PGM2L1: variants seen among roughly 807,000 people sequenced by gnomAD.
The protein encoded by PGM2L1 is phosphoglucomutase 2 like 1.
Under a neutral mutation model 73.4 loss-of-function variants are expected in PGM2L1, and 35 were observed. The observed-to-expected ratio is 0.48, with a 90% CI of 0.36 to 0.63. PGM2L1 has a LOEUF of 0.63. Ranked by LOEUF, PGM2L1 falls within the 30% of genes least tolerant of loss-of-function variation. The pLI is 0.00. For missense variants in PGM2L1, 570 were observed against 742.0 expected (o/e 0.77, Z 2.69); for synonymous variants, 225 against 253.8 (o/e 0.89, Z 1.08).
chr11:74,366,986 A>G (rs768655858), intron 5 of PGM2L1, among the ~76,000 whole-genome samples: 5 of 152,204 alleles, frequency 3.3e-5, no homozygotes, highest in Non-Finnish European at 5.9e-5. Flanking sequence ...AGAAGACAAC[A>G]ATGGTTTAGA....
intron 1 of PGM2L1, among the ~76,000 whole-genome samples, chr11:74,396,295 A>T (rs1863176056): frequency 6.7e-6 from 1 of 149,690 alleles, no homozygotes; most frequent in Non-Finnish European, 1.5e-5. Flanking sequence ...CAATCAGGAG[A>T]CTCATTAGGA....
At chr11:74,346,912 G>T in intron 7 of PGM2L1, 83 bp from the exon 8 acceptor site, 1 of 1,163,850 alleles carries the variant, frequency 8.6e-7, no homozygotes, top group Non-Finnish European at 1.3e-6. Flanking sequence ...CACAATGTTA[G>T]TGATAGGAAT....
chr11:74,343,555 G>GCCGGGCGCGGTGGCTCACGCCTGTAATCC, intron 9 of PGM2L1, 139 bp from the exon 10 acceptor site: 1 of 1,285,434 alleles, frequency 7.8e-7, no homozygotes, highest in Non-Finnish European at 1.0e-6. Context: ...TTATACAGTA[G>GCCGGGCGCGGTGGCTCACGCCTGTAATCC]CAGACATATA....
At chr11:74,346,144 G>T (rs1459770891) in intron 8 of PGM2L1, among the ~76,000 whole-genome samples, 1 of 151,468 alleles carries the variant, frequency 6.6e-6, no homozygotes, top group African/African-American at 2.4e-5. Context: ...CATGCCTGTA[G>T]TCCCAGCTAC....
At chr11:74,357,050 T>C (rs1862469505) in intron 5 of PGM2L1, among the ~76,000 whole-genome samples, 1 of 152,122 alleles carries the variant, frequency 6.6e-6, no homozygotes, top group Non-Finnish European at 1.5e-5. Flanking sequence ...GGTTTCACCA[T>C]GTTAACCAGG....
rs901705763 is a variant in PGM2L1 at position 74,351,669 on chromosome 11, A to G, written c.556-93T>C. 4.1e-6 allele frequency: 5 copies of G among 1,212,356 alleles called. No individual in the cohort carries two copies. In the East Asian group the frequency reaches 1.0e-4, roughly 25 times the overall value. 75.1% of individuals were successfully genotyped at this position (1,212,356 alleles called of 1,614,324 possible). A position where few individuals can be genotyped will look rare whatever the true frequency, so the allele number is the denominator to read the frequency against. ...GAGATCTTCAGCTTTATTAAAAAGC[A>G]TATCAAATTGAGGCCAGGCACGGTG... is the stretch of plus-strand genomic sequence containing the variant. On this transcript the variant is annotated intron_variant, in intron 5 of 13. Coordinates refer to ENST00000298198, the MANE Select transcript of PGM2L1 (RefSeq NM_173582.6).
At chr11:74,341,974 C>G (rs1462235661) in intron 12 of PGM2L1, among the ~76,000 whole-genome samples, 1 of 151,972 alleles carries the variant, frequency 6.6e-6, no homozygotes, top group African/African-American at 2.4e-5. Flanking sequence ...GTGGGAGTGT[C>G]TTTTAGCATG....
chr11:74,347,813 G>C (rs1024667360), intron 6 of PGM2L1, among the ~76,000 whole-genome samples: 1 of 152,054 alleles, frequency 6.6e-6, no homozygotes, highest in African/African-American at 2.4e-5. Flanking sequence ...TCCTTTTCCA[G>C]GCTTGCACCA....
intron 6 of PGM2L1, among the ~76,000 whole-genome samples, chr11:74,347,928 G>T (rs1209723549): frequency 1.3e-5 from 2 of 152,120 alleles, no homozygotes; most frequent in African/African-American, 4.8e-5. Context: ...TACCCAAAAA[G>T]CTTACTTTTT....
At chr11:74,361,119 C>A (rs1243735744) in intron 5 of PGM2L1, among the ~76,000 whole-genome samples, 2 of 152,180 alleles carry the variant, frequency 1.3e-5, no homozygotes, top group Non-Finnish European at 1.5e-5. Flanking sequence ...GTTCCTGACC[C>A]CCGAGTAGTG....
In PGM2L1 at chr11:74,345,902, GATAA is replaced by G. The variant is rs563657902; in HGVS notation, c.1038-257_1038-254del. Among the ~76,000 whole-genome samples, 559 of 152,152 alleles carry G rather than the reference GATAA, an allele frequency of 3.7e-3. 3 individuals carry two copies. Among genetic ancestry groups the G allele is most frequent in the Admixed American group, 5.8e-3 (89 of 15,280 alleles). ...TTTACTTAATGAGAGAAAAAATTAT[GATAA>G]ATAATTAAGCCTTTCTATTTAAGGA... On this transcript the variant is annotated intron_variant, in intron 8 of 13. Transcript: ENST00000298198.
At chr11:74,352,500 T>C (rs540576240) in intron 5 of PGM2L1, among the ~76,000 whole-genome samples, 1 of 152,306 alleles carries the variant, frequency 6.6e-6, no homozygotes, top group South Asian at 2.1e-4. Context: ...TGTAATTCTA[T>C]TAATTTATAG....
At chr11:74,347,895 G>A (rs1029228175) in intron 6 of PGM2L1, among the ~76,000 whole-genome samples, 3 of 152,140 alleles carry the variant, frequency 2.0e-5, no homozygotes, top group African/African-American at 7.2e-5. Flanking sequence ...GACACCCAAT[G>A]CTGCCAGGCA....
At chr11:74,337,630 T>C (rs376203167) in intron 13 of PGM2L1, among the ~76,000 whole-genome samples, 1 of 152,186 alleles carries the variant, frequency 6.6e-6, no homozygotes, top group African/African-American at 2.4e-5. Flanking sequence ...TCACAATTCA[T>C]CCTCTTAAAA....
At chr11:74,341,695 GAAAAAAAAAAA>G (rs11336177) in intron 12 of PGM2L1, among the ~76,000 whole-genome samples, 1 of 94,098 alleles carries the variant, frequency 1.1e-5, no homozygotes, top group African/African-American at 4.3e-5. Flanking sequence ...CTGTCTCAAG[GAAAAAAAAAAA>G]AAAAAAAAAA....
At chr11:74,390,980 G>A (rs1863093731) in intron 1 of PGM2L1, among the ~76,000 whole-genome samples, 1 of 152,100 alleles carries the variant, frequency 6.6e-6, no homozygotes, top group African/African-American at 2.4e-5. Flanking sequence ...TATTTAATGG[G>A]TACAGAAATT....
At chr11:74,351,973 T>A (rs7479279) in intron 5 of PGM2L1, among the ~76,000 whole-genome samples, 2,475 of 141,880 alleles carry the variant, frequency 0.017, 43 homozygotes, top group African/African-American at 0.038. Flanking sequence ...AAAAAAAAAA[T>A]AAATAAAAAT....
At position 74,334,539 on chromosome 11, in the gene PGM2L1, T is replaced by C. The variant is rs2134872459; in HGVS notation, c.*2113A>G. 6.6e-6 allele frequency: 1 copy of C among 152,346 alleles called. No homozygotes were observed. The highest frequency in any genetic ancestry group is 1.9e-4 in the East Asian group (1 of 5,192). The allele number at this position is 152,346 out of a possible 1,614,324, so 9.4% of individuals were successfully genotyped here. On this transcript the variant is annotated 3_prime_UTR_variant, in exon 14 of 14. Coordinates refer to ENST00000298198, the MANE Select transcript of PGM2L1 (RefSeq NM_173582.6). ...ATGGTGCTCTACATTTAGCTAGCTG[T>C]CTATTATCTACAGTCATACAGTCAT...
intron 6 of PGM2L1, among the ~76,000 whole-genome samples, chr11:74,347,861 G>A (rs761824230): frequency 2.0e-5 from 3 of 152,134 alleles, no homozygotes; most frequent in Admixed American, 1.3e-4. Context: ...CTCACAAAAG[G>A]ATTGAACAGC....
Sources: allele counts gnomAD v4.1 joint callset (sites outside exome capture counted in the v4.1 genomes callset), GRCh38; gene constraint gnomAD v4.1.1; transcripts MANE v1.5; gene names NCBI Gene and HGNC (gene_info 2026-07-23, HGNC 2026-07-21).